AGBL4: variants seen among roughly 807,000 people sequenced by gnomAD.
The protein encoded by AGBL4 is cytosolic carboxypeptidase 6.
Under a neutral mutation model 66.4 loss-of-function variants are expected in AGBL4, and 58 were observed. The observed-to-expected ratio is 0.87, with a 90% confidence interval of 0.71 to 1.09. The LOEUF is 1.09. Ranked by LOEUF, AGBL4 falls within the 50% of genes least tolerant of loss-of-function variation. The probability of loss-of-function intolerance (pLI) is 0.00; values close to 1 mark genes in which losing one functional copy is unlikely to be tolerated. For synonymous variants in AGBL4, 234 were observed against 222.9 expected (o/e 1.05, Z -0.44); for missense variants, 579 against 631.0 (o/e 0.92, Z 0.88).
chr1:48,913,946 T>C (rs1557455374), intron 5 of AGBL4, among the ~76,000 whole-genome samples: 1 of 152,136 alleles, frequency 6.6e-6, no homozygotes, highest in African/African-American at 2.4e-5. Context: ...GGAAAGATAA[T>C]GAGTCCTGTT....
chr1:49,591,464 T>G (rs967432774), intron 3 of AGBL4, among the ~76,000 whole-genome samples: 1 of 152,076 alleles, frequency 6.6e-6, no homozygotes, highest in Non-Finnish European at 1.5e-5. Flanking sequence ...AGGCCTGTAT[T>G]AAGTAAAGGA....
chr1:49,608,669 T>TGTACCTGTA (rs1558097304), intron 3 of AGBL4, among the ~76,000 whole-genome samples: 5 of 152,164 alleles, frequency 3.3e-5, no homozygotes. Flanking sequence ...CCTTTTGACA[T>TGTACCTGTA]CTGTTTTGCA....
intron 6 of AGBL4, among the ~76,000 whole-genome samples, chr1:48,782,332 A>G (rs1645315623): frequency 6.6e-6 from 1 of 152,202 alleles, no homozygotes; most frequent in Non-Finnish European, 1.5e-5. Flanking sequence ...AGTTTTGCAG[A>G]GCCTTGGGTT....
intron 7 of AGBL4, among the ~76,000 whole-genome samples, chr1:48,655,239 TC>T (rs1646001046): frequency 6.6e-6 from 1 of 152,244 alleles, no homozygotes; most frequent in Admixed American, 6.5e-5. Flanking sequence ...TTAAGACTCA[TC>T]TGTTGGTTTG....
At chr1:48,987,904 C>G (rs1660300675) in intron 5 of AGBL4, among the ~76,000 whole-genome samples, 1 of 152,054 alleles carries the variant, frequency 6.6e-6, no homozygotes, top group Non-Finnish European at 1.5e-5. Context: ...AAGACACCAG[C>G]CTATTTTATA....
chr1:49,787,011 T>C (rs942089753), intron 2 of AGBL4, among the ~76,000 whole-genome samples: 35 of 152,186 alleles, frequency 2.3e-4, no homozygotes, highest in African/African-American at 8.0e-4. Flanking sequence ...GTAGTTTTGT[T>C]TCTATAGTTC....
intron 3 of AGBL4, among the ~76,000 whole-genome samples, chr1:49,661,855 C>T (rs1235046967): frequency 2.0e-5 from 3 of 152,040 alleles, no homozygotes; most frequent in African/African-American, 7.2e-5. Context: ...GAAACAAAGT[C>T]TTGTATAGAA....
At chr1:48,603,547 G>A (rs1191381408) in intron 9 of AGBL4, among the ~76,000 whole-genome samples, 1 of 152,116 alleles carries the variant, frequency 6.6e-6, no homozygotes, top group Non-Finnish European at 1.5e-5. Context: ...AAACAGACTA[G>A]AGAGGCTTCC....
chr1:48,980,352 A>G (rs1263316619), intron 5 of AGBL4, among the ~76,000 whole-genome samples: 1 of 152,116 alleles, frequency 6.6e-6, no homozygotes, highest in Non-Finnish European at 1.5e-5. Context: ...TTGATGCTCA[A>G]TATGGAAAAA....
At chr1:48,536,452 C>T (rs1643972153) in intron 12 of AGBL4, among the ~76,000 whole-genome samples, 1 of 152,170 alleles carries the variant, frequency 6.6e-6, no homozygotes, top group Admixed American at 6.5e-5. Flanking sequence ...TGAGAGAAGG[C>T]ATAATCTGAT....
chr1:49,259,199 A>G (rs1040389052), intron 3 of AGBL4, among the ~76,000 whole-genome samples: 10 of 152,170 alleles, frequency 6.6e-5, no homozygotes, highest in African/African-American at 2.4e-4. Context: ...CCACTGCAAA[A>G]TCATGCCAAA....
At chr1:49,037,025 C>A (rs1027187019) in intron 5 of AGBL4, among the ~76,000 whole-genome samples, 4 of 151,278 alleles carry the variant, frequency 2.6e-5, no homozygotes, top group Non-Finnish European at 5.9e-5. Flanking sequence ...GTTTCTCGAA[C>A]GTTAAAAGAA....
At chr1:49,466,481 C>T (rs1401270666) in intron 3 of AGBL4, among the ~76,000 whole-genome samples, 6 of 151,742 alleles carry the variant, frequency 4.0e-5, no homozygotes, top group Non-Finnish European at 5.9e-5. Context: ...ATGGGCCTTG[C>T]TCTAAAAAGG....
At chr1:48,731,956 T>C (rs139730771) in intron 6 of AGBL4, among the ~76,000 whole-genome samples, 14 of 151,928 alleles carry the variant, frequency 9.2e-5, no homozygotes, top group South Asian at 8.4e-4. Flanking sequence ...GCCAGAGTAA[T>C]GGAGGGGAGA....
rs545502794 is a variant in AGBL4 at position 48,604,287 on chromosome 1, A to AG, written c.952-13303dup. Among the ~76,000 whole-genome samples, 15 of 152,210 alleles carry AG rather than the reference A, an allele frequency of 9.9e-5. No homozygotes were observed. In the East Asian group the frequency reaches 2.9e-3, roughly 29 times the overall value. ...GACTGATTCCCAGGTTTCTGGATTGAGGGGGGGCATCCACTGAGATTGGAG... is the reference window on the plus strand; with the variant it reads ...GACTGATTCCCAGGTTTCTGGATTGAGGGGGGGGCATCCACTGAGATTGGAG... On this transcript the variant is annotated intron_variant, in intron 9 of 13. Transcript: ENST00000371839.
intron 4 of AGBL4, among the ~76,000 whole-genome samples, chr1:49,245,257 T>TAC (rs139244286): frequency 0.072 from 10,009 of 139,014 alleles, 393 homozygotes; most frequent in African/African-American, 0.1. Context: ...AACTTTAAAA[T>TAC]ACACACACAC....
chr1:49,890,660 C>T (rs146802540), intron 1 of AGBL4, among the ~76,000 whole-genome samples: 21 of 152,268 alleles, frequency 1.4e-4, no homozygotes, highest in East Asian at 1.2e-3. Context: ...GGTCATGTGA[C>T]GGAACTCTAG....
chr1:48,671,659 A>C (rs1350839271), intron 6 of AGBL4, among the ~76,000 whole-genome samples: 1 of 152,228 alleles, frequency 6.6e-6, no homozygotes, highest in Non-Finnish European at 1.5e-5. Flanking sequence ...AGTGTTCAAA[A>C]GGATACTTAC....
At chr1:49,563,291 G>A (rs1452104878) in intron 3 of AGBL4, among the ~76,000 whole-genome samples, 7 of 151,936 alleles carry the variant, frequency 4.6e-5, no homozygotes, top group African/African-American at 1.7e-4. Flanking sequence ...CTAATTGAAT[G>A]CTCTTTATTT....
Sources: gnomAD v4.1 joint callset for allele counts (sites outside exome capture counted in the v4.1 genomes callset) on GRCh38, gnomAD v4.1.1 for gene constraint, MANE v1.5 for transcripts, NCBI Gene and HGNC (gene_info 2026-07-23, HGNC 2026-07-21) for gene names.